The following LRP1B variants were observed in gnomAD, a reference collection of about 807,000 sequenced individuals.
The protein encoded by LRP1B is LDL receptor related protein 1B.
In LRP1B, 217 loss-of-function variants were observed where a neutral mutation model predicts 556.6. The observed-to-expected ratio is 0.39, with a 90% CI of 0.35 to 0.44. LRP1B has a LOEUF of 0.44. LRP1B is among the 20% of genes least tolerant of loss of function. LRP1B has a pLI of 1.00. For synonymous variants in LRP1B, 2,047 were observed against 1,865.8 expected (o/e 1.10, Z -2.50); for missense variants, 5,053 against 5,620.8 (o/e 0.90, Z 3.23).
intron 2 of LRP1B, among the ~76,000 whole-genome samples, chr2:141,692,211 C>G (rs1362892183): frequency 1.3e-5 from 2 of 151,990 alleles, no homozygotes; most frequent in Admixed American, 6.6e-5. Context: ...ATTCACTCCT[C>G]TACATAAAAT....
At chr2:140,735,513 G>A (rs1318507812) in intron 35 of LRP1B, among the ~76,000 whole-genome samples, 1 of 152,096 alleles carries the variant, frequency 6.6e-6, no homozygotes, top group East Asian at 1.9e-4. Context: ...TTCAGCAAAG[G>A]CAGGTCGGCA....
At chr2:141,473,217 A>G (rs1008096095) in intron 3 of LRP1B, among the ~76,000 whole-genome samples, 2 of 152,232 alleles carry the variant, frequency 1.3e-5, no homozygotes, top group African/African-American at 4.8e-5. Flanking sequence ...AAGTCCCTGA[A>G]AAAATGAACA....
intron 43 of LRP1B, among the ~76,000 whole-genome samples, chr2:140,550,762 T>A (rs758324002): frequency 6.6e-6 from 1 of 152,156 alleles, no homozygotes; most frequent in African/African-American, 2.4e-5. Context: ...AGAGATAGCA[T>A]GTCATTTCCT....
chr2:140,831,835 A>C (rs1382857274), intron 31 of LRP1B, among the ~76,000 whole-genome samples: 2 of 152,186 alleles, frequency 1.3e-5, no homozygotes, highest in African/African-American at 2.4e-5. Context: ...ATAACTAATA[A>C]TGTGATTTTA....
At chr2:141,587,257 T>C (rs1687174802) in intron 2 of LRP1B, among the ~76,000 whole-genome samples, 1 of 152,198 alleles carries the variant, frequency 6.6e-6, no homozygotes, top group Non-Finnish European at 1.5e-5. Context: ...TAGTGAAGAA[T>C]TTAAATTGTG....
intron 7 of LRP1B, among the ~76,000 whole-genome samples, chr2:141,141,084 G>A (rs945138525): frequency 6.6e-6 from 1 of 152,058 alleles, no homozygotes; most frequent in Non-Finnish European, 1.5e-5. Context: ...TGGGCATTAA[G>A]TTAGTAAAAT....
In LRP1B at chr2:141,404,735, C is replaced by A. The variant is rs1024816590; in HGVS notation, c.343+75661G>T. Among the ~76,000 whole-genome samples, 11 of 152,198 alleles carry A rather than the reference C, an allele frequency of 7.2e-5. No homozygotes were observed. In the South Asian group the frequency reaches 1.2e-3, roughly 17 times the overall value. ...GTTATACTGGTACTGCCATAGCAAGCTTTTTAGGATGGGATTCTTATGAGT... is the reference window on the plus strand; with the variant it reads ...GTTATACTGGTACTGCCATAGCAAGATTTTTAGGATGGGATTCTTATGAGT... On this transcript the variant is annotated intron_variant, in intron 3 of 90. Transcript: ENST00000389484.
intron 3 of LRP1B, among the ~76,000 whole-genome samples, chr2:141,472,786 C>A (rs1287679794): frequency 7.3e-6 from 1 of 137,904 alleles, no homozygotes; most frequent in Non-Finnish European, 1.6e-5. Context: ...CATTTCTAAA[C>A]TACTAGTAGG....
rs536173772 is a variant in LRP1B at position 141,711,938 on chromosome 2, T to C, written c.205+98341A>G. On this transcript the variant is annotated intron_variant, in intron 2 of 90. Transcript: ENST00000389484. ...CTTCTTTTTCTCTCTCTGTCATAAA[T>C]ATGAACACACACAGACACACACACA... Among the ~76,000 whole-genome samples the C allele has an allele frequency of 2.7e-4, 39 of 142,564 alleles. No individual in the cohort carries two copies. The South Asian group carries it at 7.9e-3, about 29-fold the overall frequency. The allele number at this position is 142,564 out of a possible 152,430, so 93.5% of individuals were successfully genotyped here.
At chr2:141,641,079 A>G (rs1689313643) in intron 2 of LRP1B, among the ~76,000 whole-genome samples, 1 of 152,190 alleles carries the variant, frequency 6.6e-6, no homozygotes. Flanking sequence ...ACATGGAGGT[A>G]TATTTTCTAT....
chr2:141,565,979 T>G (rs1574084661), intron 2 of LRP1B, among the ~76,000 whole-genome samples: 1 of 152,098 alleles, frequency 6.6e-6, no homozygotes, highest in African/African-American at 2.4e-5. Context: ...CTGCTTTTCT[T>G]ATTTTATAAG....
intron 7 of LRP1B, among the ~76,000 whole-genome samples, chr2:141,168,447 T>C (rs1470606455): frequency 6.6e-6 from 1 of 151,978 alleles, no homozygotes; most frequent in African/African-American, 2.4e-5. Context: ...CAGTCACTAC[T>C]TGCACTGTGC....
intron 7 of LRP1B, among the ~76,000 whole-genome samples, chr2:141,129,590 G>A (rs943341015): frequency 2.7e-5 from 4 of 148,954 alleles, no homozygotes; most frequent in Admixed American, 1.3e-4. Context: ...GGGGCGGGGG[G>A]TGAAAGTCAA....
chr2:140,733,097 A>G (rs1031487753), intron 35 of LRP1B, among the ~76,000 whole-genome samples: 2 of 152,174 alleles, frequency 1.3e-5, no homozygotes, highest in African/African-American at 4.8e-5. Flanking sequence ...ACAGTGACAG[A>G]CTAGTAGATA....
chr2:141,898,675 C>T (rs1699529167), intron 1 of LRP1B, among the ~76,000 whole-genome samples: 1 of 152,026 alleles, frequency 6.6e-6, no homozygotes, highest in African/African-American at 2.4e-5. Flanking sequence ...CATCTAAGGG[C>T]AATGAGAAAA....
chr2:140,683,714 C>T (rs113635062), intron 41 of LRP1B: 46,524 of 740,990 alleles, frequency 0.063, 1,986 homozygotes, highest in South Asian at 0.11. Flanking sequence ...TCATTAGAGA[C>T]ACTCTGTGCT....
At chr2:140,576,246 T>C (rs1206340723) in intron 43 of LRP1B, among the ~76,000 whole-genome samples, 1 of 152,164 alleles carries the variant, frequency 6.6e-6, no homozygotes, top group African/African-American at 2.4e-5. Context: ...AACTCTAGAC[T>C]TTGCTCCACA....
At chr2:141,411,464 C>A (rs1332673493) in intron 3 of LRP1B, among the ~76,000 whole-genome samples, 1 of 151,992 alleles carries the variant, frequency 6.6e-6, no homozygotes, top group Non-Finnish European at 1.5e-5. Context: ...CCTATTCATC[C>A]CTCTGAAACA....
chr2:141,090,761 A>C (rs1212842373), intron 7 of LRP1B, among the ~76,000 whole-genome samples: 2 of 152,186 alleles, frequency 1.3e-5, no homozygotes, highest in African/African-American at 4.8e-5. Context: ...GCTGCTTCTC[A>C]GTCACTTTTT....
Sources: gnomAD v4.1 joint callset for allele counts (sites outside exome capture counted in the v4.1 genomes callset) on GRCh38, gnomAD v4.1.1 for gene constraint, MANE v1.5 for transcripts, NCBI Gene and HGNC (gene_info 2026-07-23, HGNC 2026-07-21) for gene names.